RAD21: variants seen among roughly 807,000 people sequenced by gnomAD.
RAD21 encodes double-strand-break repair protein rad21 homolog.
Under a neutral mutation model 71.5 loss-of-function variants are expected in RAD21, and 18 were observed. That is an observed-to-expected ratio of 0.25 (90% CI 0.17 to 0.37). The LOEUF is 0.37. Ranked by LOEUF, RAD21 falls within the 10% of genes least tolerant of loss-of-function variation. RAD21 has a pLI of 1.00. For synonymous variants in RAD21, 248 were observed against 254.0 expected, an observed-to-expected ratio of 0.98 and a Z score of 0.22; for missense variants, 493 against 769.1, an observed-to-expected ratio of 0.64 and a Z score of 4.25.
intron 1 of RAD21, among the ~76,000 whole-genome samples, chr8:116,873,069 C>T (rs1456023293): frequency 6.6e-6 from 1 of 152,210 alleles, no homozygotes; most frequent in African/African-American, 2.4e-5. Context: ...ACTCTGAAGA[C>T]AATCTTGCAG....
chr8:116,854,728 G>GC (rs1812426527), intron 8 of RAD21, among the ~76,000 whole-genome samples: 1 of 152,070 alleles, frequency 6.6e-6, no homozygotes, highest in South Asian at 2.1e-4. Context: ...GCAAAATGAC[G>GC]CAAGGGCCAA....
chr8:116,868,386 G>C (rs1812740783), intron 1 of RAD21, among the ~76,000 whole-genome samples: 1 of 152,060 alleles, frequency 6.6e-6, no homozygotes, highest in Admixed American at 6.5e-5. Context: ...CATATGCTTG[G>C]ACATTCACCT....
intron 12 of RAD21, among the ~76,000 whole-genome samples, chr8:116,849,992 A>G (rs997473680): frequency 2.6e-5 from 4 of 152,184 alleles, no homozygotes; most frequent in African/African-American, 9.7e-5. Flanking sequence ...ACAGAAGAAT[A>G]AATTCTAAGT....
chr8:116,853,980 T>C (rs1328170970), intron 9 of RAD21, among the ~76,000 whole-genome samples: 1 of 152,192 alleles, frequency 6.6e-6, no homozygotes, highest in Non-Finnish European at 1.5e-5. Flanking sequence ...ACTAATAATT[T>C]ATTACAGAGA....
At chr8:116,852,856 T>C in intron 9 of RAD21, 148 bp from the exon 10 acceptor site, 1 of 554,298 alleles carries the variant, frequency 1.8e-6, no homozygotes, top group Non-Finnish European at 2.7e-6. Context: ...TTTCATTCCA[T>C]CTGAAAATGA....
At position 116,846,553 on chromosome 8, in the gene RAD21, T is replaced by TGA. The variant is rs1333053185; in HGVS notation, c.*946_*947insTC. On this transcript the variant is annotated 3_prime_UTR_variant, in exon 14 of 14. Transcript: ENST00000297338. ...TGGAAAAGGAGATCAGTACTAAAAC[T>TGA]TACAATAAATATCAGAGAAGCCGTT... 2 of 228,780 alleles carry TGA rather than the reference T, an allele frequency of 8.7e-6. No individual in the cohort carries two copies. The allele number at this position is 228,780 out of a possible 1,614,324, so 14.2% of individuals were successfully genotyped here. A position where few individuals can be genotyped will look rare whatever the true frequency, so the allele number is the denominator to read the frequency against.
At chr8:116,859,665 C>A (rs550079687) in intron 4 of RAD21, among the ~76,000 whole-genome samples, 2 of 152,196 alleles carry the variant, frequency 1.3e-5, no homozygotes, top group East Asian at 3.9e-4. Context: ...CCCCCACCCC[C>A]GCAATGTTTC....
At chr8:116,864,556 T>C (rs1371978150) in intron 2 of RAD21, among the ~76,000 whole-genome samples, 2 of 152,108 alleles carry the variant, frequency 1.3e-5, no homozygotes, top group African/African-American at 4.8e-5. Flanking sequence ...TATCAGACAA[T>C]GAATCCCTAA....
In RAD21 at chr8:116,850,759, C is replaced by G. The variant is rs759030507; in HGVS notation, c.1479G>C (p.Gln493His). 2.1e-5 allele frequency: 33 copies of G among 1,593,952 alleles called. 1 individual carries two copies. In the Admixed American group the frequency reaches 4.7e-4, roughly 23 times the overall value. The change falls in exon 12 of 14, where the codon CAG (glutamine) becomes CAC (histidine). Residue 493 changes from glutamine (Q) to histidine (H), a missense_variant. Around this residue, in one of 5 missense-constraint regions of RAD21, gnomAD observed 225 missense variants for 218.3 expected, o/e 1.03. Transcript: ENST00000297338. ...CAGGTGGTATTTCCATCTGCTCTAC[C>G]TGCTGAGGCTTAAAGCAATACAAAT... is the stretch of plus-strand genomic sequence containing the variant. ...IDPEPVMPPQQVEQMEIPPVE... is the reference protein window; with the variant it reads ...IDPEPVMPPQHVEQMEIPPVE...
chr8:116,868,717 T>G (rs1812748397), intron 1 of RAD21, among the ~76,000 whole-genome samples: 1 of 152,102 alleles, frequency 6.6e-6, no homozygotes, highest in Admixed American at 6.6e-5. Context: ...ACTATATAGC[T>G]ATAATACTCA....
rs943856649 is a variant in RAD21 at position 116,874,663 on chromosome 8, G to T, written c.-85C>A. 2 of 377,960 alleles carry T rather than the reference G, an allele frequency of 5.3e-6. No individual in the cohort carries two copies. Among genetic ancestry groups the T allele is most frequent in the East Asian group, 7.7e-5 (1 of 13,028 alleles). 23.4% of individuals were successfully genotyped at this position (377,960 alleles called of 1,614,324 possible). ...CTGGGTGGCCCGGGGAGGGGAAAAGGGTCGGGGGAGGGGGTGGGGAAAGGG... is the reference window on the plus strand; with the variant it reads ...CTGGGTGGCCCGGGGAGGGGAAAAGTGTCGGGGGAGGGGGTGGGGAAAGGG... On this transcript the variant is annotated 5_prime_UTR_variant, in exon 1 of 14. Coordinates refer to ENST00000297338, the MANE Select transcript of RAD21 (RefSeq NM_006265.3).
At chr8:116,858,261 TTC>T in intron 5 of RAD21, 89 bp downstream of exon 5, 1 of 963,838 alleles carries the variant, frequency 1.0e-6, no homozygotes, top group Non-Finnish European at 1.5e-6. Context: ...TTTTAAGTCT[TTC>T]TGTCTATAGT....
At position 116,847,093 on chromosome 8, in the gene RAD21, G is replaced by GACTT. The variant is rs375530926; in HGVS notation, c.*403_*406dup. 1.6e-3 allele frequency: 376 copies of GACTT among 232,452 alleles called. 1 individual carries two copies. The highest frequency in any genetic ancestry group is 7.9e-3 in the African/African-American group (359 of 45,282). The allele number at this position is 232,452 out of a possible 1,614,324, so 14.4% of individuals were successfully genotyped here. A position where few individuals can be genotyped will look rare whatever the true frequency, so the allele number is the denominator to read the frequency against. On this transcript the variant is annotated 3_prime_UTR_variant, in exon 14 of 14. Coordinates refer to ENST00000297338, the MANE Select transcript of RAD21 (RefSeq NM_006265.3). ...TTGTTTGTTTTTTTTTCTTGTCAAA[G>GACTT]ACTTACACCATAGTTTTAAATTAAA...
At chr8:116,848,866 C>T in intron 13 of RAD21, 80 bp downstream of exon 13, 3 of 1,108,234 alleles carry the variant, frequency 2.7e-6, no homozygotes, top group Non-Finnish European at 3.8e-6. Flanking sequence ...CTGTTTCCAG[C>T]ATCTAACTTT....
At chr8:116,852,365 TA>T (rs765621543) in intron 10 of RAD21, 183 bp downstream of exon 10, 4 of 727,606 alleles carry the variant, frequency 5.5e-6, no homozygotes, top group African/African-American at 1.8e-5. Context: ...TTCTGAACCT[TA>T]AAACTCTGGA....
At chr8:116,870,196 ATGT>A (rs1812783964) in intron 1 of RAD21, among the ~76,000 whole-genome samples, 1 of 152,198 alleles carries the variant, frequency 6.6e-6, no homozygotes. Context: ...CAACTGTCTA[ATGT>A]TGTAAACTCT....
At chr8:116,853,127 G>GT (rs1812390065) in intron 9 of RAD21, among the ~76,000 whole-genome samples, 1 of 151,934 alleles carries the variant, frequency 6.6e-6, no homozygotes, top group Non-Finnish European at 1.5e-5. Context: ...CGCCCAGGCT[G>GT]GAGTGCAGTG....
rs1586276060 is a variant in RAD21 at position 116,866,767 on chromosome 8, AGGGG to A, written c.-32-10_-32-7del. 5 of 1,530,436 alleles carry A rather than the reference AGGGG, an allele frequency of 3.3e-6. No individual in the cohort carries two copies. Among genetic ancestry groups the A allele is most frequent in the Admixed American group, 2.1e-5 (1 of 47,302 alleles). The allele number at this position is 1,530,436 out of a possible 1,614,324, so 94.8% of individuals were successfully genotyped here. A position where few individuals can be genotyped will look rare whatever the true frequency, so the allele number is the denominator to read the frequency against. ...CTATGAAAACAGAAGAAAACCTAAG[AGGGG>A]AAAAAAAAGTTAATGTAAACATCAT... On this transcript the variant is annotated splice_region_variant and splice_polypyrimidine_tract_variant and intron_variant, in intron 1 of 13. Transcript: ENST00000297338.
chr8:116,852,615 C>G lies in RAD21; in HGVS notation c.1255G>C (p.Glu419Gln). The G allele has an allele frequency of 6.2e-7, 1 of 1,613,332 alleles. No individual in the cohort carries two copies. Residue 419 changes from glutamate to glutamine, a missense_variant, in exon 10 of 14, where the codon GAA (glutamate) becomes CAA (glutamine). Glu to Gln is a conservative substitution (Grantham distance 29). Transcript: ENST00000297338. Reference sequence around the variant, plus strand: ...CTAGGAACCTCTGGATTTTCAAATTCTTTGAGGAATTCATCCAAATTATCT... The same window carrying G: ...CTAGGAACCTCTGGATTTTCAAATTGTTTGAGGAATTCATCCAAATTATCT... ...EADNLDEFLK[E>Q]FENPEVPRED...
Sources: gnomAD v4.1 joint callset for allele counts (sites outside exome capture counted in the v4.1 genomes callset) on GRCh38, gnomAD v4.1.1 for gene constraint, gnomAD v4.1.1 regional missense constraint, MANE v1.5 for transcripts, NCBI Gene and HGNC (gene_info 2026-07-23, HGNC 2026-07-21) for gene names.